Variants in KLHDC4 observed in about 807,000 individuals in gnomAD.
KLHDC4 encodes kelch domain-containing protein 4.
Under a neutral mutation model 62.4 loss-of-function variants are expected in KLHDC4, and 90 were observed. The observed-to-expected ratio is 1.44, with a 90% CI of 1.22 to 1.72. The LOEUF (loss-of-function observed/expected upper bound fraction) is 1.72, where lower values mean the gene tolerates loss of function less well. Among genes scored for constraint, KLHDC4 ranks in the 40% most tolerant of loss-of-function variants. The probability of loss-of-function intolerance (pLI) is 0.00; values close to 1 mark genes in which losing one functional copy is unlikely to be tolerated. For synonymous variants in KLHDC4, 386 were observed against 284.4 expected (o/e 1.36, Z -3.59); for missense variants, 1,025 against 699.7 (o/e 1.47, Z -5.25).
In KLHDC4 at chr16:87,709,369, C is replaced by G; in HGVS notation, c.1343G>C (p.Gly448Ala). 6.2e-7 allele frequency: 1 copy of G among 1,613,528 alleles called. No individual in the cohort carries two copies. The highest frequency in any genetic ancestry group is 1.3e-5 in the African/African-American group (1 of 75,070). ...GCGGTCGCCGGCCTCAAACATGCCC[C>G]CATAGACGTAGAGCACCCCATGCTT... ...AVKHGVLYVY[G>A]GMFEAGDRQV... The change falls in exon 10 of 12, where the codon GGG (glycine) becomes GCG (alanine). Residue 448 changes from glycine (G) to alanine (A), a missense_variant. By Grantham distance (60) the Gly-to-Ala change is moderately conservative. Coordinates refer to ENST00000270583, the MANE Select transcript of KLHDC4 (RefSeq NM_017566.4).
At chr16:87,703,734 C>T (rs1230432549), downstream of KLHDC4, among the ~76,000 whole-genome samples, 4 of 152,166 alleles carry the variant, frequency 2.6e-5, no homozygotes, top group Middle Eastern at 3.2e-3. Context: ...TCAGGGAAGC[C>T]GGGTCACCGT....
At chr16:87,750,184 G>T in intron 4 of KLHDC4, 1 of 152,232 alleles carries the variant, frequency 6.6e-6, no homozygotes. Context: ...CAGACTGCTG[G>T]GCTACAAGCA....
chr16:87,709,278 C>T lies in KLHDC4; in HGVS notation c.1434G>A (p.Val478=). 6.2e-7 allele frequency: 1 copy of T among 1,611,030 alleles called. No individual in the cohort carries two copies. The highest frequency in any genetic ancestry group is 8.5e-7 in the Non-Finnish European group (1 of 1,179,082). Residue 478 remains valine (V), a synonymous_variant, in exon 10 of 12, where the codon GTG becomes GTA. Transcript: ENST00000270583. ...TGCCTGGCTCACCTGGGTCCATCTCCACCAAGGCCTTCCACGCCTCCATCC... is the reference window on the plus strand; with the variant it reads ...TGCCTGGCTCACCTGGGTCCATCTCTACCAAGGCCTTCCACGCCTCCATCC... The part of the protein sequence containing the change: ...LHRMEAWKAL[V]EMDPETQEWL...
intron 7 of KLHDC4, among the ~76,000 whole-genome samples, chr16:87,719,895 C>T (rs1470314223): frequency 6.6e-6 from 1 of 152,230 alleles, no homozygotes; most frequent in Non-Finnish European, 1.5e-5. Flanking sequence ...TGTGCCTGAA[C>T]GTTTGGAGGC....
intron 8 of KLHDC4, among the ~76,000 whole-genome samples, chr16:87,713,267 T>G (rs1238948885): frequency 6.6e-6 from 1 of 151,836 alleles, no homozygotes; most frequent in Non-Finnish European, 1.5e-5. Flanking sequence ...TGGTGCAATC[T>G]CGGCTCACTG....
rs146379124 is a variant in KLHDC4, at chr16:87,711,696, A to G, written c.836-253T>C. ...CCCCAAGCACCTCTAAACTAGGGGC[A>G]GCTACAAGCCGCAGTGGAAAGGCAG... On this transcript the variant is annotated intron_variant, in intron 8 of 11. Transcript: ENST00000270583. Among the ~76,000 whole-genome samples, 444 of 152,326 alleles carry G rather than the reference A, an allele frequency of 2.9e-3. 3 individuals are homozygous for G. Among genetic ancestry groups the G allele is most frequent in the Non-Finnish European group, 4.6e-3 (312 of 68,032 alleles).
At chr16:87,701,769 A>G in exon 1 of KLHDC4, 1 of 456,608 alleles carries the variant, frequency 2.2e-6, no homozygotes, top group Non-Finnish European at 4.4e-6. Context: ...AAGCGTGCAC[A>G]CCCGTCCGCC....
intron 8 of KLHDC4, among the ~76,000 whole-genome samples, chr16:87,712,355 G>A (rs935261672): frequency 3.3e-5 from 5 of 151,928 alleles, no homozygotes; most frequent in South Asian, 2.1e-4. Context: ...CAGTGTGGGC[G>A]TGGCTCTGGG....
intron 5 of KLHDC4, among the ~76,000 whole-genome samples, chr16:87,737,523 G>T (rs1009611546): frequency 1.1e-4 from 17 of 151,414 alleles, no homozygotes; most frequent in Non-Finnish European, 2.9e-5. Context: ...AGGAGGCGGA[G>T]GTTGCCGTGA....
chr16:87,731,678 A>G (rs1477540310), intron 5 of KLHDC4, among the ~76,000 whole-genome samples: 1 of 152,114 alleles, frequency 6.6e-6, no homozygotes, highest in African/African-American at 2.4e-5. Flanking sequence ...ACATAAACTT[A>G]GCGCACAGCT....
intron 2 of KLHDC4, among the ~76,000 whole-genome samples, chr16:87,761,346 G>T (rs1301301364): frequency 1.3e-5 from 2 of 152,184 alleles, no homozygotes; most frequent in Non-Finnish European, 2.9e-5. Context: ...CTCCCGATGG[G>T]CTGAACCCCG....
At chr16:87,720,895 C>A (rs1363798445) in intron 7 of KLHDC4, among the ~76,000 whole-genome samples, 4 of 152,220 alleles carry the variant, frequency 2.6e-5, no homozygotes, top group Non-Finnish European at 5.9e-5. Context: ...CCCACCGTGC[C>A]TGCCTCTCCA....
chr16:87,757,369 G>A (rs111457123), intron 2 of KLHDC4: 31,579 of 151,232 alleles, frequency 0.21, 3,338 homozygotes, highest in East Asian at 0.29. Flanking sequence ...TCGGGAGGCT[G>A]AGGCAGGAGA....
intron 6 of KLHDC4, among the ~76,000 whole-genome samples, chr16:87,728,431 T>C (rs4843686): frequency 0.058 from 8,775 of 151,796 alleles, 328 homozygotes; most frequent in South Asian, 0.16. Flanking sequence ...AAATGCAGAA[T>C]AGAGTTTAAG....
At chr16:87,721,784 G>A (rs1438319546) in intron 7 of KLHDC4, among the ~76,000 whole-genome samples, 1 of 152,218 alleles carries the variant, frequency 6.6e-6, no homozygotes, top group Non-Finnish European at 1.5e-5. Flanking sequence ...GCCCTCTCCT[G>A]GTTATGCATG....
exon 1 of KLHDC4, chr16:87,701,544 G>A (rs891080013): frequency 3.8e-5 from 15 of 394,878 alleles, no homozygotes; most frequent in Non-Finnish European, 5.2e-5. Context: ...CAGTGTGGGC[G>A]TGAGCTCACC....
intron 7 of KLHDC4, among the ~76,000 whole-genome samples, chr16:87,718,805 G>A (rs1444578865): frequency 6.7e-6 from 1 of 150,188 alleles, no homozygotes; most frequent in Admixed American, 6.6e-5. Context: ...GCCGCCCATC[G>A]TCTGAGATGT....
chr16:87,726,206 C>A (rs1337398603), intron 7 of KLHDC4, among the ~76,000 whole-genome samples: 2 of 148,940 alleles, frequency 1.3e-5, no homozygotes, highest in Non-Finnish European at 3.0e-5. Flanking sequence ...CCACCCCGCG[C>A]CTCGCCCGTC....
chr16:87,761,891 GT>G (rs1230419051), intron 2 of KLHDC4, 57 bp downstream of exon 2: 27 of 1,545,220 alleles, frequency 1.7e-5, no homozygotes, highest in Non-Finnish European at 2.4e-5. Flanking sequence ...ATTTAAAGCA[GT>G]TTTTCAATGT....
Sources: gnomAD v4.1 joint callset for allele counts (sites outside exome capture counted in the v4.1 genomes callset) on GRCh38, gnomAD v4.1.1 for gene constraint, MANE v1.5 for transcripts, NCBI Gene and HGNC (gene_info 2026-07-23, HGNC 2026-07-21) for gene names.